Variants in DAGLA observed in about 807,000 individuals in gnomAD.
The protein encoded by DAGLA is diacylglycerol lipase alpha, also known as diacylglycerol lipase-alpha.
In DAGLA, 22 loss-of-function variants were observed where a neutral mutation model predicts 102.6. The observed-to-expected ratio is 0.21, with a 90% CI of 0.15 to 0.31. The LOEUF (loss-of-function observed/expected upper bound fraction) is 0.31. DAGLA is among the 10% of genes least tolerant of loss of function. The pLI is 1.00. For synonymous variants in DAGLA, 578 were observed against 628.9 expected, an observed-to-expected ratio of 0.92 and a Z score of 1.21; for missense variants, 927 against 1,446.6, an observed-to-expected ratio of 0.64 and a Z score of 5.83.
chr11:61,737,400 G>C (rs1356777048), intron 14 of DAGLA, 76 bp downstream of exon 14: 1 of 1,583,330 alleles, frequency 6.3e-7, no homozygotes, highest in Non-Finnish European at 8.6e-7. Flanking sequence ...GGTGCTAGGG[G>C]CTGGACTGGG....
rs199969886 is a variant in DAGLA, at chr11:61,689,508, CT to C, written c.-45+9018del. The stretch of plus-strand genomic sequence containing the variant: ...CCTGTTTGAGCCTCAGTTTCCTCAT[CT>C]TTTTTTTTTTTTTGAGATGGAGTCT... On this transcript the variant is annotated intron_variant, in intron 1 of 19. Transcript: ENST00000257215. Among the ~76,000 whole-genome samples the C allele has an allele frequency of 3.2e-3, 369 of 113,904 alleles. 1 individual carries two copies. Among genetic ancestry groups the C allele is most frequent in the African/African-American group, 5.1e-3 (176 of 34,652 alleles). The allele number at this position is 113,904 out of a possible 152,430, so 74.7% of individuals were successfully genotyped here. A position where few individuals can be genotyped will look rare whatever the true frequency, so the allele number is the denominator to read the frequency against.
Position 61,720,149 on chromosome 11 carries a change from A to G in DAGLA, c.-7A>G, listed in dbSNP as rs759873260. ...AGGCCCACTGAGCCTCTGCAGAGCC[A>G]CCAGCCATGCCCGGGATCGTGGTGT... On this transcript the variant is annotated 5_prime_UTR_variant, in exon 2 of 20. Transcript: ENST00000257215. 10 of 1,611,778 alleles carry G rather than the reference A, an allele frequency of 6.2e-6. No homozygotes were observed. In the South Asian group the frequency reaches 9.9e-5, roughly 16 times the overall value.
chr11:61,727,798 G>T (rs1276020210), intron 6 of DAGLA, among the ~76,000 whole-genome samples: 4 of 152,212 alleles, frequency 2.6e-5, no homozygotes, highest in Non-Finnish European at 5.9e-5. Context: ...AATGGCTAGA[G>T]GAGAAATGAG....
intron 6 of DAGLA, 89 bp from the exon 7 acceptor site, chr11:61,728,064 A>T: frequency 6.7e-7 from 1 of 1,489,786 alleles, no homozygotes; most frequent in South Asian, 1.2e-5. Context: ...CTGCTTCTGC[A>T]GCCTCCCAGC....
Position 61,740,726 on chromosome 11 carries a change from C to T in DAGLA, c.1983+134C>T, listed in dbSNP as rs188750125. On this transcript the variant is annotated intron_variant, in intron 18 of 19. Transcript: ENST00000257215. Reference sequence around the variant, plus strand: ...GGGCTCAGAGAAGTAGGTAGCTGGGCCAGAAAGCCCCACTCAAATACTTCA... The same window carrying T: ...GGGCTCAGAGAAGTAGGTAGCTGGGTCAGAAAGCCCCACTCAAATACTTCA... 1.7e-4 allele frequency: 202 copies of T among 1,157,624 alleles called. 1 individual carries two copies. The African/African-American group carries it at 2.6e-3, about 15-fold the overall frequency. 71.7% of individuals were successfully genotyped at this position (1,157,624 alleles called of 1,614,324 possible).
At chr11:61,735,930 T>C (rs2065419354) in intron 12 of DAGLA, 114 bp downstream of exon 12, 27 of 1,046,370 alleles carry the variant, frequency 2.6e-5, no homozygotes, top group South Asian at 1.4e-4. Context: ...TGGAAGAGAT[T>C]GGTCAGAGAG....
chr11:61,710,395 G>A (rs1217295971), intron 1 of DAGLA, among the ~76,000 whole-genome samples: 2 of 152,102 alleles, frequency 1.3e-5, no homozygotes, highest in Non-Finnish European at 2.9e-5. Flanking sequence ...TTTGAGCTGG[G>A]AAGGGGCCTG....
At chr11:61,697,228 A>T (rs1181313167) in intron 1 of DAGLA, among the ~76,000 whole-genome samples, 1 of 152,132 alleles carries the variant, frequency 6.6e-6, no homozygotes, top group Non-Finnish European at 1.5e-5. Flanking sequence ...GCCCCAGGGT[A>T]AGGTGGCCCT....
intron 5 of DAGLA, among the ~76,000 whole-genome samples, chr11:61,724,667 G>A (rs1385934802): frequency 1.3e-5 from 2 of 152,294 alleles, no homozygotes; most frequent in East Asian, 3.9e-4. Context: ...ACCCGTGCCT[G>A]CTGTGGCCAC....
In DAGLA at chr11:61,720,838, C is replaced by T. The variant is rs1169810265; in HGVS notation, c.255C>T (p.Ile85=). Residue 85 remains isoleucine, a synonymous_variant, in exon 3 of 20, where the codon ATC becomes ATT. Transcript: ENST00000257215. ...AIIWLSMRGG[I]LYTEPRDSMQ... ...TCTGGCTGAGCATGCGCGGGGGCAT[C>T]CTCTACACGGAGCCCCGTGACTCCA... The T allele has an allele frequency of 6.2e-7, 1 of 1,613,434 alleles. No homozygotes were observed. The highest frequency in any genetic ancestry group is 8.5e-7 in the Non-Finnish European group (1 of 1,180,054).
intron 1 of DAGLA, among the ~76,000 whole-genome samples, chr11:61,687,694 A>T (rs2064997024): frequency 6.6e-6 from 1 of 152,226 alleles, no homozygotes; most frequent in Admixed American, 6.5e-5. Context: ...CAGAGAGAGC[A>T]TGTGTGTTCC....
chr11:61,725,029 A>G (rs1189662439), intron 5 of DAGLA, among the ~76,000 whole-genome samples: 1 of 152,100 alleles, frequency 6.6e-6, no homozygotes, highest in African/African-American at 2.4e-5. Context: ...AAGAGGCTCA[A>G]AAAGGGCCTG....
chr11:61,718,434 C>A (rs1339033884), intron 1 of DAGLA, among the ~76,000 whole-genome samples: 1 of 152,142 alleles, frequency 6.6e-6, no homozygotes, highest in East Asian at 1.9e-4. Flanking sequence ...GGCGGCAATA[C>A]CAGCTGTTGG....
chr11:61,705,367 C>T (rs1347708315), intron 1 of DAGLA, among the ~76,000 whole-genome samples: 3 of 152,242 alleles, frequency 2.0e-5, no homozygotes, highest in Non-Finnish European at 2.9e-5. Flanking sequence ...GAGTCCAGGG[C>T]CTGGCCCTGC....
chr11:61,693,727 G>GT (rs2065042741), intron 1 of DAGLA, among the ~76,000 whole-genome samples: 1 of 152,228 alleles, frequency 6.6e-6, no homozygotes, highest in East Asian at 1.9e-4. Flanking sequence ...CCTGCCTGAG[G>GT]TGAGGCTCCT....
rs143436889 is a variant in DAGLA, at chr11:61,739,541, C to G, written c.1733C>G (p.Ala578Gly). Residue 578 changes from alanine (A) to glycine (G), a missense_variant, in exon 17 of 20, where the codon GCC (alanine) becomes GGC (glycine). Physicochemically the swap from Ala to Gly is moderately conservative, Grantham distance 60. Around this residue, in one of 4 missense-constraint regions of DAGLA, gnomAD observed 218 missense variants for 459.6 expected, o/e 0.47. Transcript: ENST00000257215. ...GAGGAGGTAGAGGTGACCACCCTGGCCAGCACGCGGCTCTGGACCCACCCC... is the reference window on the plus strand; with the variant it reads ...GAGGAGGTAGAGGTGACCACCCTGGGCAGCACGCGGCTCTGGACCCACCCC... ...LPEEVEVTTL[A>G]STRLWTHPSD... 8.6e-5 allele frequency: 139 copies of G among 1,614,042 alleles called. No homozygotes were observed. Among genetic ancestry groups the G allele is most frequent in the Non-Finnish European group, 1.1e-4 (133 of 1,180,048 alleles).
intron 3 of DAGLA, 97 bp from the exon 4 acceptor site, chr11:61,722,760 CTG>C: frequency 9.8e-7 from 1 of 1,020,470 alleles, no homozygotes; most frequent in Non-Finnish European, 1.5e-6. Context: ...ACTGAGCTGG[CTG>C]AAAGCCCAGC....
At chr11:61,736,719 T>G (rs1000536699) in intron 13 of DAGLA, among the ~76,000 whole-genome samples, 4 of 152,160 alleles carry the variant, frequency 2.6e-5, no homozygotes, top group Admixed American at 2.6e-4. Flanking sequence ...GGGAACTGAG[T>G]CCTGCCCACT....
chr11:61,731,340 G>C lies in DAGLA; in HGVS notation c.873G>C (p.Glu291Asp). ...KNSQEMLRYK[E>D]VCYYMLFALA... is the part of the protein sequence containing the mutation. ...AGCAAGAGATGCTCCGCTACAAAGA[G>C]GTCTGCTACTACATGCTCTTTGCCC... The change falls in exon 9 of 20, where the codon GAG (glutamate) becomes GAC (aspartate). Residue 291 changes from glutamate (E) to aspartate (D), a missense_variant. By Grantham distance (45) the Glu-to-Asp change is conservative (BLOSUM62 2). Transcript: ENST00000257215. The C allele has an allele frequency of 1.2e-6, 2 of 1,614,080 alleles. No homozygotes were observed. The highest frequency in any genetic ancestry group is 1.7e-6 in the Non-Finnish European group (2 of 1,180,004).
Sources: allele counts gnomAD v4.1 joint callset (sites outside exome capture counted in the v4.1 genomes callset), GRCh38; gene constraint gnomAD v4.1.1; regional missense constraint gnomAD v4.1.1; transcripts MANE v1.5; gene names NCBI Gene and HGNC (gene_info 2026-07-23, HGNC 2026-07-21).